Variants in PRKG1 observed in about 807,000 individuals in gnomAD.
The protein encoded by PRKG1 is cGMP-dependent protein kinase 1.
In PRKG1, 35 loss-of-function variants were observed where a neutral mutation model predicts 88.1. The ratio of observed to expected loss-of-function variants is 0.40; its 90% CI spans 0.30 to 0.53. The LOEUF (loss-of-function observed/expected upper bound fraction) is 0.53. PRKG1 is among the 20% of genes least tolerant of loss of function. The pLI is 0.59. For synonymous variants in PRKG1, 303 were observed against 292.5 expected, an observed-to-expected ratio of 1.04 and a Z score of -0.37; for missense variants, 540 against 839.8, an observed-to-expected ratio of 0.64 and a Z score of 4.41.
At chr10:52,091,631 G>A (rs1847058203) in intron 7 of PRKG1, among the ~76,000 whole-genome samples, 2 of 152,168 alleles carry the variant, frequency 1.3e-5, no homozygotes, top group South Asian at 2.1e-4. Flanking sequence ...TTTGCAAACA[G>A]TATGGGCCAT....
At chr10:51,148,416 A>G (rs1174586470) in intron 1 of PRKG1, among the ~76,000 whole-genome samples, 7 of 152,208 alleles carry the variant, frequency 4.6e-5, no homozygotes, top group Non-Finnish European at 8.8e-5. Flanking sequence ...GCTGATTTCC[A>G]TTCTTAGCAA....
intron 3 of PRKG1, among the ~76,000 whole-genome samples, chr10:51,481,116 A>G: frequency 6.6e-6 from 1 of 152,112 alleles, no homozygotes. Flanking sequence ...TTACCGAGAA[A>G]AAGAAAAATG....
rs763059343 is a variant in PRKG1 at position 51,153,335 on chromosome 10, G to A, written c.478+5G>A. 2.1e-5 allele frequency: 33 copies of A among 1,590,666 alleles called. No homozygotes were observed. Among genetic ancestry groups the A allele is most frequent in the East Asian group, 4.6e-5 (2 of 43,626 alleles). ...CACTGGTGTATGTCATGGAAGGTAC[G>A]GTTTGTAACTCCAATCCTCTGACAT... is the stretch of plus-strand genomic sequence containing the variant. On this transcript the variant is annotated splice_donor_5th_base_variant and intron_variant, in intron 2 of 17. Coordinates refer to ENST00000373980, the MANE Select transcript of PRKG1 (RefSeq NM_006258.4).
rs1845537921 is a variant in PRKG1, at chr10:51,130,514, C to A, written c.312-22650C>A. 3.3e-5 allele frequency among the ~76,000 whole-genome samples: 5 copies of A among 152,204 alleles called. No individual in the cohort carries two copies. The South Asian group carries it at 1.0e-3, about 31-fold the overall frequency. On this transcript the variant is annotated intron_variant, in intron 1 of 17. Coordinates refer to ENST00000373980, the MANE Select transcript of PRKG1 (RefSeq NM_006258.4). ...ACTATTTATAGTTCCCTGAATACAT[C>A]ATTTTATTTTATATCCTGTATCTTT...
chr10:51,836,793 T>A (rs574790618), intron 4 of PRKG1, among the ~76,000 whole-genome samples: 8 of 152,278 alleles, frequency 5.3e-5, no homozygotes, highest in African/African-American at 1.9e-4. Context: ...AGTCTTTAAC[T>A]CAAATCTCAT....
At chr10:52,288,093 C>T (rs1405656574) in intron 14 of PRKG1, among the ~76,000 whole-genome samples, 4 of 152,090 alleles carry the variant, frequency 2.6e-5, no homozygotes, top group South Asian at 2.1e-4. Flanking sequence ...TGCTAGGTTA[C>T]GTGGGTTGAT....
chr10:52,173,720 A>G (rs1477428739), intron 9 of PRKG1, among the ~76,000 whole-genome samples: 3 of 152,186 alleles, frequency 2.0e-5, no homozygotes, highest in East Asian at 1.9e-4. Context: ...AGTATATCAG[A>G]CATGTAGAGA....
intron 1 of PRKG1, among the ~76,000 whole-genome samples, chr10:51,102,313 A>G (rs192549220): frequency 3.9e-5 from 6 of 152,284 alleles, no homozygotes; most frequent in Admixed American, 3.3e-4. Context: ...CAAAAATTTA[A>G]CAACCTGCTC....
intron 1 of PRKG1, among the ~76,000 whole-genome samples, chr10:51,107,930 A>G (rs776816114): frequency 2.0e-5 from 3 of 152,106 alleles, no homozygotes; most frequent in African/African-American, 2.4e-5. Flanking sequence ...CAAATTTCAC[A>G]GATATTATGA....
At chr10:51,463,372 C>A (rs1332760572) in intron 2 of PRKG1, among the ~76,000 whole-genome samples, 2 of 152,154 alleles carry the variant, frequency 1.3e-5, no homozygotes, top group Admixed American at 1.3e-4. Context: ...AGCCTACCTG[C>A]ATTTTCCCTA....
At chr10:51,753,109 G>A (rs538404558) in intron 3 of PRKG1, among the ~76,000 whole-genome samples, 1 of 151,994 alleles carries the variant, frequency 6.6e-6, no homozygotes, top group Non-Finnish European at 1.5e-5. Flanking sequence ...TAATCTTGGT[G>A]TCTAATTATA....
intron 9 of PRKG1, among the ~76,000 whole-genome samples, chr10:52,162,737 G>A (rs961486019): frequency 6.6e-6 from 1 of 152,060 alleles, no homozygotes; most frequent in Non-Finnish European, 1.5e-5. Flanking sequence ...GAGAATCCAT[G>A]AAGATTAAAA....
At chr10:51,460,553 C>G (rs2132796140) in intron 2 of PRKG1, among the ~76,000 whole-genome samples, 1 of 152,244 alleles carries the variant, frequency 6.6e-6, no homozygotes, top group African/African-American at 2.4e-5. Flanking sequence ...CACACTGGAT[C>G]TATGGCCTGT....
At chr10:50,997,115 C>T (rs946864114) in intron 1 of PRKG1, among the ~76,000 whole-genome samples, 10 of 152,042 alleles carry the variant, frequency 6.6e-5, no homozygotes, top group African/African-American at 2.2e-4. Flanking sequence ...AGCAAATCCT[C>T]GTGGAAGTGT....
At chr10:51,801,556 A>T (rs2132605353) in intron 3 of PRKG1, among the ~76,000 whole-genome samples, 1 of 152,270 alleles carries the variant, frequency 6.6e-6, no homozygotes, top group East Asian at 1.9e-4. Context: ...TATAAAATAA[A>T]TATGAGCTGA....
chr10:51,574,122 C>G (rs1316084154), intron 3 of PRKG1, among the ~76,000 whole-genome samples: 3 of 151,928 alleles, frequency 2.0e-5, no homozygotes, highest in Non-Finnish European at 4.4e-5. Context: ...GAGAAAGCAT[C>G]TGGATTCAAA....
At chr10:52,100,711 T>C (rs541768921) in intron 7 of PRKG1, among the ~76,000 whole-genome samples, 1 of 152,344 alleles carries the variant, frequency 6.6e-6, no homozygotes, top group African/African-American at 2.4e-5. Flanking sequence ...CCAAGATGAA[T>C]TGTTAAAATT....
chr10:51,057,954 G>A (rs891821684), intron 1 of PRKG1, among the ~76,000 whole-genome samples: 1 of 152,016 alleles, frequency 6.6e-6, no homozygotes, highest in Non-Finnish European at 1.5e-5. Flanking sequence ...TTTCCCAAGT[G>A]GCCATAACAA....
At chr10:52,007,983 A>G (rs1844782305) in intron 5 of PRKG1, among the ~76,000 whole-genome samples, 1 of 152,176 alleles carries the variant, frequency 6.6e-6, no homozygotes, top group African/African-American at 2.4e-5. Context: ...ATCCCTCAAA[A>G]TAACACAATT....
Sources: allele counts gnomAD v4.1 joint callset (sites outside exome capture counted in the v4.1 genomes callset), GRCh38; gene constraint gnomAD v4.1.1; transcripts MANE v1.5; gene names NCBI Gene and HGNC (gene_info 2026-07-23, HGNC 2026-07-21).